The following RNF141 variants were observed in gnomAD, a reference collection of about 807,000 sequenced individuals.
The protein encoded by RNF141 is C3HC4-like zinc finger protein.
RNF141 carries 18 observed loss-of-function variants against 27.4 expected under a neutral mutation model. That is an observed-to-expected ratio of 0.66 (90% confidence interval 0.45 to 0.97). The LOEUF (loss-of-function observed/expected upper bound fraction) is 0.97. Among genes scored for constraint, RNF141 ranks in the 50% least tolerant of loss-of-function variants. The pLI, the probability that RNF141 is intolerant of heterozygous loss-of-function variation, is 0.00. For synonymous variants in RNF141, 97 were observed against 96.6 expected, an observed-to-expected ratio of 1.00 and a Z score of -0.02; for missense variants, 230 against 279.4, an observed-to-expected ratio of 0.82 and a Z score of 1.26.
At chr11:10,537,676 G>T (rs944676548) in intron 1 of RNF141, among the ~76,000 whole-genome samples, 6 of 152,092 alleles carry the variant, frequency 3.9e-5, no homozygotes, top group Non-Finnish European at 4.4e-5. Flanking sequence ...ACTAAAAAAA[G>T]TAATTAAGGC....
Position 10,522,437 on chromosome 11 carries a change from T to G in RNF141, c.434+2755A>C, listed in dbSNP as rs1020710620. Among the ~76,000 whole-genome samples, 3 of 152,026 alleles carry G rather than the reference T, an allele frequency of 2.0e-5. No individual in the cohort carries two copies. In the East Asian group the frequency reaches 5.8e-4, roughly 29 times the overall value. On this transcript the variant is annotated intron_variant, in intron 4 of 5. Coordinates refer to ENST00000265981, the MANE Select transcript of RNF141 (RefSeq NM_016422.4). ...GCACAGTGACCAGAAGGAAGGAGAG[T>G]CTTGTGCTGTTTGTTCCTGTTAGAT...
intron 3 of RNF141, among the ~76,000 whole-genome samples, chr11:10,527,768 G>C (rs1468360889): frequency 6.6e-6 from 1 of 152,174 alleles, no homozygotes; most frequent in African/African-American, 2.4e-5. Flanking sequence ...ACAGAAGCAG[G>C]GCAAGAGAAG....
At chr11:10,528,407 C>T (rs566017589) in intron 3 of RNF141, among the ~76,000 whole-genome samples, 133 of 152,216 alleles carry the variant, frequency 8.7e-4, no homozygotes, top group African/African-American at 3.1e-3. Context: ...TTGCCTGTGC[C>T]TTTAGTACTT....
intron 5 of RNF141, chr11:10,516,923 G>T (rs1415698674): frequency 6.6e-6 from 1 of 151,708 alleles, no homozygotes; most frequent in Admixed American, 6.6e-5. Context: ...ATATTCATAG[G>T]AATACAAAAA....
chr11:10,513,318 C>G lies in RNF141; in HGVS notation c.*1598G>C, dbSNP rs1044402332. ...TGCTCGCCTATTAAAATCCTACTAT[C>G]CAGAAATTCTGTCATCAATAAGTGG... is the stretch of plus-strand genomic sequence containing the variant. On this transcript the variant is annotated 3_prime_UTR_variant, in exon 6 of 6. Transcript: ENST00000265981. 6.6e-6 allele frequency: 1 copy of G among 152,156 alleles called. No homozygotes were observed. Among genetic ancestry groups the G allele is most frequent in the Non-Finnish European group, 1.5e-5 (1 of 68,030 alleles). The allele number at this position is 152,156 out of a possible 1,614,324, so 9.4% of individuals were successfully genotyped here. A position where few individuals can be genotyped will look rare whatever the true frequency, so the allele number is the denominator to read the frequency against.
At chr11:10,522,660 G>T (rs1849897226) in intron 4 of RNF141, among the ~76,000 whole-genome samples, 1 of 152,180 alleles carries the variant, frequency 6.6e-6, no homozygotes, top group African/African-American at 2.4e-5. Flanking sequence ...ATATTTGAAA[G>T]GCTGGAAAAG....
At chr11:10,515,318 G>A (rs1849834874) in intron 5 of RNF141, 2 of 408,336 alleles carry the variant, frequency 4.9e-6, no homozygotes, top group Non-Finnish European at 8.7e-6. Flanking sequence ...ATGCACGCAC[G>A]TGCACACACA....
chr11:10,523,781 C>G (rs1849908430), intron 4 of RNF141, among the ~76,000 whole-genome samples: 1 of 152,162 alleles, frequency 6.6e-6, no homozygotes, highest in Non-Finnish European at 1.5e-5. Flanking sequence ...TGCTACCATA[C>G]AGCTTAAATA....
At chr11:10,526,611 A>AG (rs1451847335) in intron 3 of RNF141, among the ~76,000 whole-genome samples, 196 of 152,058 alleles carry the variant, frequency 1.3e-3, no homozygotes, top group African/African-American at 4.6e-3. Flanking sequence ...GTGAAACCCC[A>AG]TCTCTACTAA....
chr11:10,514,989 G>T lies in RNF141; in HGVS notation c.620C>A (p.Ala207Glu). Residue 207 changes from alanine (A) to glutamate (E), a missense_variant, in exon 6 of 6, where the codon GCA becomes GAA. By Grantham distance (107) the Ala-to-Glu change is moderately radical. Coordinates refer to ENST00000265981, the MANE Select transcript of RNF141 (RefSeq NM_016422.4). The part of the protein sequence containing the change: ...GANESWVVSD[A>E]PTEDDMANYI... ...GTTAGCCATATCATCTTCAGTGGGTGCATCTGATACCACCCAAGATTCATT... is the reference window on the plus strand; with the variant it reads ...GTTAGCCATATCATCTTCAGTGGGTTCATCTGATACCACCCAAGATTCATT... 1 of 1,613,912 alleles carries T rather than the reference G, an allele frequency of 6.2e-7. No individual in the cohort carries two copies. Among genetic ancestry groups the T allele is most frequent in the Non-Finnish European group, 8.5e-7 (1 of 1,179,892 alleles).
intron 4 of RNF141, among the ~76,000 whole-genome samples, chr11:10,524,468 G>A (rs1849915055): frequency 6.6e-6 from 1 of 152,056 alleles, no homozygotes; most frequent in Admixed American, 6.5e-5. Context: ...GGTGAATATA[G>A]ATTTCTGCTA....
At chr11:10,535,508 T>C (rs1313196925) in intron 1 of RNF141, among the ~76,000 whole-genome samples, 1 of 148,042 alleles carries the variant, frequency 6.8e-6, no homozygotes, top group Non-Finnish European at 1.5e-5. Flanking sequence ...TATGTAAATA[T>C]AGCCAAGTGG....
At chr11:10,532,162 A>G (rs1849992163) in intron 2 of RNF141, 1 of 232,604 alleles carries the variant, frequency 4.3e-6, no homozygotes. Context: ...TATAAATTCC[A>G]AGACTCTAAA....
chr11:10,536,566 A>G (rs1026537000), intron 1 of RNF141, among the ~76,000 whole-genome samples: 1 of 152,240 alleles, frequency 6.6e-6, no homozygotes, highest in Non-Finnish European at 1.5e-5. Context: ...ACAAAAACAC[A>G]TATGTAAGAT....
Position 10,512,281 on chromosome 11 carries a change from CA to C in RNF141, c.*2634del, listed in dbSNP as rs1234500581. The C allele has an allele frequency of 1.3e-5, 2 of 152,672 alleles. No individual in the cohort carries two copies. Among genetic ancestry groups the C allele is most frequent in the Non-Finnish European group, 2.9e-5 (2 of 68,046 alleles). The allele number at this position is 152,672 out of a possible 1,614,324, so 9.5% of individuals were successfully genotyped here. ...TTACAACTTTTACGATTAGTTATTACAGTAGAACTGACCTAACATTCACATC... is the reference window on the plus strand; with the variant it reads ...TTACAACTTTTACGATTAGTTATTACGTAGAACTGACCTAACATTCACATC... On this transcript the variant is annotated 3_prime_UTR_variant, in exon 6 of 6. Transcript: ENST00000265981.
intron 1 of RNF141, among the ~76,000 whole-genome samples, chr11:10,540,055 C>G (rs920957439): frequency 1.4e-4 from 22 of 152,154 alleles, no homozygotes; most frequent in African/African-American, 5.1e-4. Flanking sequence ...TATTTTTGAG[C>G]TCTGAATTCA....
intron 5 of RNF141, chr11:10,516,679 T>C (rs532715464): frequency 2.2e-4 from 34 of 152,292 alleles, no homozygotes; most frequent in African/African-American, 6.5e-4. Context: ...GAGGGGATAG[T>C]CCCCTAAAGC....
rs1465996869 is a variant in RNF141 at position 10,530,730 on chromosome 11, G to A, written c.165C>T (p.Gly55=). The change falls in exon 3 of 6, where the codon GGC becomes GGT. Residue 55 remains glycine, a synonymous_variant. Transcript: ENST00000265981. ...CCTCAAAGAGAAGATGTTTTTCCTG[G>A]CCAGAAGCCACTTTAGCCGTTCTGA... The part of the protein sequence containing the change: ...LNDVTAKVAS[G]QEKHLLFEVQ... 1 of 1,605,138 alleles carries A rather than the reference G, an allele frequency of 6.2e-7. No homozygotes were observed.
intron 1 of RNF141, among the ~76,000 whole-genome samples, 178 bp from the exon 2 acceptor site, chr11:10,534,383 A>C (rs1205004648): frequency 6.6e-6 from 1 of 152,166 alleles, no homozygotes; most frequent in African/African-American, 2.4e-5. Context: ...TAAATGAGAA[A>C]ACAGGATTCA....
Sources: allele counts gnomAD v4.1 joint callset (sites outside exome capture counted in the v4.1 genomes callset), GRCh38; gene constraint gnomAD v4.1.1; transcripts MANE v1.5; gene names NCBI Gene and HGNC (gene_info 2026-07-23, HGNC 2026-07-21).